Variants in RABGAP1 observed in about 807,000 individuals in gnomAD.
RABGAP1 encodes rab GTPase-activating protein 1.
A neutral mutation model predicts 137.6 loss-of-function variants in RABGAP1; 23 were observed. The observed-to-expected ratio is 0.17, with a 90% CI of 0.12 to 0.24. The LOEUF (loss-of-function observed/expected upper bound fraction) is 0.24. Among genes scored for constraint, RABGAP1 ranks in the 10% least tolerant of loss-of-function variants. The probability of loss-of-function intolerance (pLI) is 1.00; values close to 1 mark genes in which losing one functional copy is unlikely to be tolerated. For missense variants in RABGAP1, 906 were observed against 1,275.8 expected, an observed-to-expected ratio of 0.71 and a Z score of 4.42; for synonymous variants, 451 against 450.7, an observed-to-expected ratio of 1.00 and a Z score of -0.01.
intron 13 of RABGAP1, among the ~76,000 whole-genome samples, chr9:123,054,273 T>A (rs1272013236): frequency 2.0e-5 from 3 of 152,226 alleles, no homozygotes; most frequent in African/African-American, 7.2e-5. Context: ...ATTGAGCATA[T>A]ATCCACAATG....
chr9:123,005,511 C>T (rs529092478), intron 10 of RABGAP1, among the ~76,000 whole-genome samples: 1 of 152,146 alleles, frequency 6.6e-6, no homozygotes, highest in East Asian at 1.9e-4. Flanking sequence ...TAGCATACTC[C>T]ATATGTCTTA....
intron 13 of RABGAP1, among the ~76,000 whole-genome samples, chr9:123,022,382 A>G (rs951394671): frequency 6.6e-6 from 1 of 152,192 alleles, no homozygotes; most frequent in Non-Finnish European, 1.5e-5. Flanking sequence ...TGTGTACTTT[A>G]TATTTCACAT....
chr9:123,103,632 T>TATAG lies in RABGAP1; in HGVS notation c.*422_*423insGATA, dbSNP rs2035413212. 2.1e-5 allele frequency: 2 copies of TATAG among 93,368 alleles called. No homozygotes were observed. Among genetic ancestry groups the TATAG allele is most frequent in the Admixed American group, 1.2e-4 (1 of 8,210 alleles). 5.8% of individuals were successfully genotyped at this position (93,368 alleles called of 1,614,324 possible). ...ATATATATATATATATATATATATA[T>TATAG]ATATAGTGGGGGTGGGGCAAGGGAT... On this transcript the variant is annotated 3_prime_UTR_variant, in exon 26 of 26. Coordinates refer to ENST00000373647, the MANE Select transcript of RABGAP1 (RefSeq NM_012197.4).
chr9:122,996,347 T>A, intron 7 of RABGAP1, 192 bp from the exon 8 acceptor site: 1 of 1,181,258 alleles, frequency 8.5e-7, no homozygotes, highest in Non-Finnish European at 1.2e-6. Flanking sequence ...TCTCTTCAAC[T>A]ATGTGGTAAT....
Position 123,010,503 on chromosome 9 carries a change from TC to T in RABGAP1, c.1526del (p.Pro509LeufsTer15). 6.2e-7 allele frequency: 1 copy of T among 1,612,808 alleles called. No individual in the cohort carries two copies. Among genetic ancestry groups the T allele is most frequent in the Non-Finnish European group, 8.5e-7 (1 of 1,179,708 alleles). ...SGSQSSVIPS[P>X]PEDDEEEDND... is the part of the protein sequence containing the mutation. The stretch of plus-strand genomic sequence containing the variant: ...GATCGCAAAGTTCAGTGATACCTTC[TC>T]CTCCAGAAGATGATGAAGAGGAAGG... On this transcript the variant is annotated frameshift_variant, in exon 11 of 26. Transcript: ENST00000373647. LOFTEE classifies it high-confidence loss of function.
intron 2 of RABGAP1, among the ~76,000 whole-genome samples, chr9:122,980,123 C>T (rs1835968449): frequency 6.6e-6 from 1 of 152,194 alleles, no homozygotes; most frequent in African/African-American, 2.4e-5. Flanking sequence ...TTGTTTATGG[C>T]TGCTTTCATG....
chr9:123,076,788 AT>A, intron 19 of RABGAP1, 26 bp downstream of exon 19: 1 of 1,535,164 alleles, frequency 6.5e-7, no homozygotes, highest in Non-Finnish European at 8.8e-7. Context: ...ATTAGTTAAG[AT>A]TCTGTTTTTC....
At chr9:122,943,182 G>C (rs530432021) in intron 1 of RABGAP1, among the ~76,000 whole-genome samples, 1 of 145,216 alleles carries the variant, frequency 6.9e-6, no homozygotes, top group Non-Finnish European at 1.5e-5. Flanking sequence ...TCAAGGAACT[G>C]ATTCTCCTGA....
chr9:123,052,020 T>TG (rs1271268804), intron 13 of RABGAP1, among the ~76,000 whole-genome samples: 2 of 149,728 alleles, frequency 1.3e-5, no homozygotes, highest in Non-Finnish European at 3.0e-5. Context: ...TTAGCCAGAA[T>TG]GGTCTCGATC....
intron 21 of RABGAP1, among the ~76,000 whole-genome samples, chr9:123,095,515 T>C (rs1353522820): frequency 6.6e-6 from 1 of 152,116 alleles, no homozygotes; most frequent in African/African-American, 2.4e-5. Context: ...GCCTGGGCAA[T>C]ATAGCAAGAA....
intron 13 of RABGAP1, among the ~76,000 whole-genome samples, chr9:123,030,153 G>A (rs974570036): frequency 6.6e-6 from 1 of 152,150 alleles, no homozygotes; most frequent in African/African-American, 2.4e-5. Context: ...CGGTAAGTTC[G>A]TAATTATATT....
intron 21 of RABGAP1, among the ~76,000 whole-genome samples, chr9:123,092,528 A>C (rs2035060963): frequency 6.6e-6 from 1 of 151,752 alleles, no homozygotes; most frequent in Non-Finnish European, 1.5e-5. Context: ...AGGAAGAAGC[A>C]GAGCCAGGCC....
intron 10 of RABGAP1, among the ~76,000 whole-genome samples, chr9:123,005,653 A>C (rs2030182555): frequency 6.6e-6 from 1 of 152,194 alleles, no homozygotes. Context: ...CTTTTCAACC[A>C]GTCTGCTATT....
At chr9:123,013,958 A>C (rs2031022400) in intron 11 of RABGAP1, among the ~76,000 whole-genome samples, 1 of 152,204 alleles carries the variant, frequency 6.6e-6, no homozygotes, top group Admixed American at 6.5e-5. Flanking sequence ...GTACTGTTGT[A>C]ACCCAGTTAG....
rs756852522 is a variant in RABGAP1 at position 123,015,562 on chromosome 9, G to A, written c.1569G>A (p.Leu523=). The change falls in exon 12 of 26, where the codon CTG becomes CTA. Residue 523 remains leucine, a synonymous_variant. Transcript: ENST00000373647. ...TTATAGATAATGATGAACCTCTCCT[G>A]AGTGGATCTGGTGATGTATCCAAAG... is the stretch of plus-strand genomic sequence containing the variant. ...DEEEDNDEPL[L]SGSGDVSKEC... The A allele has an allele frequency of 9.3e-6, 15 of 1,611,210 alleles. No homozygotes were observed. The East Asian group carries it at 2.9e-4, about 31-fold the overall frequency.
intron 13 of RABGAP1, among the ~76,000 whole-genome samples, chr9:123,035,986 A>G (rs1300545815): frequency 6.6e-6 from 1 of 152,214 alleles, no homozygotes; most frequent in Non-Finnish European, 1.5e-5. Context: ...TTAAAAAGTC[A>G]TCACTTTCTT....
At chr9:123,069,241 AT>A (rs1209679682) in intron 14 of RABGAP1, among the ~76,000 whole-genome samples, 2 of 152,268 alleles carry the variant, frequency 1.3e-5, no homozygotes, top group Admixed American at 6.5e-5. Flanking sequence ...AATCTCACTT[AT>A]CAGAAAAGTT....
chr9:123,048,411 CTT>C (rs796541266), intron 13 of RABGAP1, among the ~76,000 whole-genome samples: 10 of 152,224 alleles, frequency 6.6e-5, no homozygotes, highest in African/African-American at 2.2e-4. Flanking sequence ...AAAAATATAA[CTT>C]GAGCAATATG....
intron 13 of RABGAP1, among the ~76,000 whole-genome samples, chr9:123,037,435 C>T (rs772785762): frequency 6.6e-6 from 1 of 152,124 alleles, no homozygotes; most frequent in Non-Finnish European, 1.5e-5. Flanking sequence ...AAATTTAGAA[C>T]TCATACTGAA....
Sources: gnomAD v4.1 joint callset for allele counts (sites outside exome capture counted in the v4.1 genomes callset) on GRCh38, gnomAD v4.1.1 for gene constraint, MANE v1.5 for transcripts, NCBI Gene and HGNC (gene_info 2026-07-23, HGNC 2026-07-21) for gene names.